QSER1: variants seen among roughly 807,000 people sequenced by gnomAD.
The protein encoded by QSER1 is glutamine and serine rich 1, also known as glutamine and serine-rich protein 1.
QSER1 carries 49 observed loss-of-function variants against 158.5 expected under a neutral mutation model. The observed-to-expected ratio is 0.31, with a 90% CI of 0.25 to 0.39. The LOEUF is 0.39. Among genes scored for constraint, QSER1 ranks in the 10% least tolerant of loss-of-function variants. The probability of loss-of-function intolerance (pLI) is 1.00; values close to 1 mark genes in which losing one functional copy is unlikely to be tolerated. For synonymous variants in QSER1, 650 were observed against 715.5 expected (o/e 0.91, Z 1.46); for missense variants, 1,754 against 2,010.3 (o/e 0.87, Z 2.44).
chr11:32,927,599 G>A (rs1851989782), intron 2 of QSER1, among the ~76,000 whole-genome samples: 1 of 152,082 alleles, frequency 6.6e-6, no homozygotes, highest in Non-Finnish European at 1.5e-5. Context: ...AGTAGAGGCG[G>A]GGTTTCACCA....
At chr11:32,906,419 G>A (rs148118352) in intron 1 of QSER1, among the ~76,000 whole-genome samples, 6 of 152,026 alleles carry the variant, frequency 3.9e-5, no homozygotes, top group East Asian at 3.9e-4. Context: ...GCAAAACTCC[G>A]TTTTTTAAGA....
intron 11 of QSER1, among the ~76,000 whole-genome samples, chr11:32,973,781 T>TA (rs1454105028): frequency 6.6e-6 from 1 of 152,320 alleles, no homozygotes; most frequent in African/African-American, 2.4e-5. Context: ...TTAAATTGAC[T>TA]AATATGGAAG....
chr11:32,922,588 G>A (rs1851913328), intron 1 of QSER1, among the ~76,000 whole-genome samples: 1 of 148,638 alleles, frequency 6.7e-6, no homozygotes, highest in Non-Finnish European at 1.5e-5. Flanking sequence ...AGGTTCAATT[G>A]GTTTTCATGC....
chr11:32,935,447 C>T lies in QSER1; in HGVS notation c.4177+12C>T. 6.9e-7 allele frequency: 1 copy of T among 1,456,516 alleles called. No homozygotes were observed. Among genetic ancestry groups the T allele is most frequent in the Non-Finnish European group, 9.1e-7 (1 of 1,099,480 alleles). The allele number at this position is 1,456,516 out of a possible 1,614,324, so 90.2% of individuals were successfully genotyped here. On this transcript the variant is annotated intron_variant, in intron 4 of 12. Transcript: ENST00000650167. Reference sequence around the variant, plus strand: ...AAAGAAGAAAACAGGTAAAGTTTTACAATTTAGATTCATAATTATTACTTT... The same window carrying T: ...AAAGAAGAAAACAGGTAAAGTTTTATAATTTAGATTCATAATTATTACTTT...
chr11:32,951,695 G>A (rs1852424709), intron 4 of QSER1, among the ~76,000 whole-genome samples: 1 of 152,056 alleles, frequency 6.6e-6, no homozygotes, highest in Non-Finnish European at 1.5e-5. Flanking sequence ...ATTAGAAATG[G>A]AATTGTGTTC....
At chr11:32,895,045 C>T (rs1049061514) in intron 1 of QSER1, among the ~76,000 whole-genome samples, 1 of 152,126 alleles carries the variant, frequency 6.6e-6, no homozygotes, top group Non-Finnish European at 1.5e-5. Flanking sequence ...TGAAATACTA[C>T]CTAGTTACTT....
In QSER1 at chr11:32,975,036, G is replaced by A. The variant is rs114365662; in HGVS notation, c.5359-212G>A. On this transcript the variant is annotated intron_variant, in intron 11 of 12. Transcript: ENST00000650167. ...ATAATGCTTAAGTTTTTTCAATAATGCATATTTATATGCAGGATAAAGAAT... is the reference window on the plus strand; with the variant it reads ...ATAATGCTTAAGTTTTTTCAATAATACATATTTATATGCAGGATAAAGAAT... Among the ~76,000 whole-genome samples the A allele has an allele frequency of 2.8e-3, 421 of 152,016 alleles. 3 individuals are homozygous for A. The highest frequency in any genetic ancestry group is 9.8e-3 in the African/African-American group (406 of 41,472).
In QSER1 at chr11:32,933,691, C is replaced by T. The variant is rs1564934867; in HGVS notation, c.2433C>T (p.Leu811=). Residue 811 remains leucine, a synonymous_variant, in exon 4 of 13, where the codon CTC becomes CTT. Coordinates refer to ENST00000650167, the MANE Select transcript of QSER1 (RefSeq NM_001076786.3). ...AAGACTTAAAGCAGCAACATCCTCTCATACTTAAGGTGCATGAGTCCAAGG... is the reference window on the plus strand; with the variant it reads ...AAGACTTAAAGCAGCAACATCCTCTTATACTTAAGGTGCATGAGTCCAAGG... The part of the protein sequence containing the change: ...NTKDLKQQHP[L]ILKVHESKVQ... 2 of 1,613,712 alleles carry T rather than the reference C, an allele frequency of 1.2e-6. No individual in the cohort carries two copies. Among genetic ancestry groups the T allele is most frequent in the South Asian group, 2.2e-5 (2 of 90,966 alleles).
chr11:32,915,921 G>T (rs1033550540), intron 1 of QSER1, among the ~76,000 whole-genome samples: 9 of 142,218 alleles, frequency 6.3e-5, no homozygotes, highest in African/African-American at 1.3e-4. Context: ...ATATAATTTT[G>T]TTTTTTTTTT....
At chr11:32,951,010 G>A (rs976501541) in intron 4 of QSER1, among the ~76,000 whole-genome samples, 2 of 152,070 alleles carry the variant, frequency 1.3e-5, no homozygotes, top group Admixed American at 1.3e-4. Flanking sequence ...ATCCAGAAGT[G>A]GAATTCCTCA....
rs1274186931 is a variant in QSER1 at position 32,933,386 on chromosome 11, T to A, written c.2128T>A (p.Ser710Thr). ...VLQPQASLESSTQRLSDGEIN... is the reference protein window; with the variant it reads ...VLQPQASLESTTQRLSDGEIN... ...GCAGCCACAAGCATCTCTTGAGTCA[T>A]CAACCCAAAGGCTATCTGATGGAGA... is the stretch of plus-strand genomic sequence containing the variant. Residue 710 changes from serine to threonine, a missense_variant, in exon 4 of 13, where the codon TCA becomes ACA. Physicochemically the swap from Ser to Thr is moderately conservative, Grantham distance 58. Transcript: ENST00000650167. 1 of 1,613,846 alleles carries A rather than the reference T, an allele frequency of 6.2e-7. No homozygotes were observed. Among genetic ancestry groups the A allele is most frequent in the East Asian group, 2.2e-5 (1 of 44,882 alleles).
chr11:32,954,296 A>G (rs1852475429), intron 5 of QSER1, 117 bp downstream of exon 5: 4 of 1,180,060 alleles, frequency 3.4e-6, no homozygotes, highest in African/African-American at 1.5e-5. Flanking sequence ...TTTATGCATT[A>G]TAAGTGTTTG....
chr11:32,957,519 G>T (rs1314261810), intron 7 of QSER1, among the ~76,000 whole-genome samples: 5 of 152,066 alleles, frequency 3.3e-5, no homozygotes, highest in African/African-American at 1.2e-4. Flanking sequence ...GGCAATTACG[G>T]TTATAACATT....
rs1851502073 is a variant in QSER1 at position 32,893,027 on chromosome 11, C to T, written c.-99C>T. Among the ~76,000 whole-genome samples the T allele has an allele frequency of 6.8e-6, 1 of 146,108 alleles. No individual in the cohort carries two copies. Among genetic ancestry groups the T allele is most frequent in the Admixed American group, 6.8e-5 (1 of 14,744 alleles). On this transcript the variant is annotated 5_prime_UTR_variant, in exon 1 of 13. Coordinates refer to ENST00000650167, the MANE Select transcript of QSER1 (RefSeq NM_001076786.3). This position sits in a 1 kb window ranked among gnomAD's most constrained non-coding sequence, Gnocchi z 4.7. ...GGGCAGCTCCCTCCACCGCCGCCGCCCCCTCTTCCTCCCCCGCCCCCTCTC... is the reference window on the plus strand; with the variant it reads ...GGGCAGCTCCCTCCACCGCCGCCGCTCCCTCTTCCTCCCCCGCCCCCTCTC...
rs577694273 is a variant in QSER1, at chr11:32,978,595, G to A, written c.*2121G>A. On this transcript the variant is annotated 3_prime_UTR_variant, in exon 13 of 13. Transcript: ENST00000650167. Reference sequence around the variant, plus strand: ...GTGGCAAACAAAGATGTTTCCTTAAGATGAATCTTACATTTCCCATAGAAA... The same window carrying A: ...GTGGCAAACAAAGATGTTTCCTTAAAATGAATCTTACATTTCCCATAGAAA... 1 of 152,316 alleles carries A rather than the reference G, an allele frequency of 6.6e-6. No homozygotes were observed. Among genetic ancestry groups the A allele is most frequent in the South Asian group, 2.1e-4 (1 of 4,824 alleles). The allele number at this position is 152,316 out of a possible 1,614,324, so 9.4% of individuals were successfully genotyped here.
At chr11:32,966,046 C>T (rs752910849) in intron 8 of QSER1, among the ~76,000 whole-genome samples, 3 of 151,862 alleles carry the variant, frequency 2.0e-5, no homozygotes, top group Non-Finnish European at 2.9e-5. Context: ...CTACCACGAC[C>T]ACCACCACTA....
At chr11:32,914,858 C>G (rs1564928491) in intron 1 of QSER1, among the ~76,000 whole-genome samples, 1 of 152,190 alleles carries the variant, frequency 6.6e-6, no homozygotes, top group Non-Finnish European at 1.5e-5. Context: ...AATGGTCACA[C>G]TTAAACAGTG....
chr11:32,957,842 T>TA (rs1349240448), intron 7 of QSER1, 27 bp from the exon 8 acceptor site: 1 of 1,547,946 alleles, frequency 6.5e-7, no homozygotes, highest in Non-Finnish European at 8.9e-7. Context: ...TTCAGTGTGT[T>TA]AATGAAGTTT....
chr11:32,935,384 T>C lies in QSER1; in HGVS notation c.4126T>C (p.Ser1376Pro), dbSNP rs1459303290. Residue 1376 changes from serine (S) to proline (P), a missense_variant, in exon 4 of 13, where the codon TCT becomes CCT. Coordinates refer to ENST00000650167, the MANE Select transcript of QSER1 (RefSeq NM_001076786.3). Reference sequence around the variant, plus strand: ...TAGTCAAGATGCTTATAAAAGCGTCTCTACTCCCTTAACTACTTTGGATGC... The same window carrying C: ...TAGTCAAGATGCTTATAAAAGCGTCCCTACTCCCTTAACTACTTTGGATGC... ...GYSQDAYKSVSTPLTTLDATS... is the reference protein window; with the variant it reads ...GYSQDAYKSVPTPLTTLDATS... 3 of 1,585,592 alleles carry C rather than the reference T, an allele frequency of 1.9e-6. No individual in the cohort carries two copies. Among genetic ancestry groups the C allele is most frequent in the African/African-American group, 2.7e-5 (2 of 73,542 alleles).
Sources: allele counts gnomAD v4.1 joint callset (sites outside exome capture counted in the v4.1 genomes callset), GRCh38; gene constraint gnomAD v4.1.1; non-coding constraint Gnocchi (gnomAD v3.1); transcripts MANE v1.5; gene names NCBI Gene and HGNC (gene_info 2026-07-23, HGNC 2026-07-21).